The following NLRP14 variants were observed in gnomAD, a reference collection of about 807,000 sequenced individuals.
NLRP14 encodes NACHT, LRR and PYD domains-containing protein 14.
In NLRP14, 105 loss-of-function variants were observed where a neutral mutation model predicts 94.7. That is an observed-to-expected ratio of 1.11 (90% CI 0.95 to 1.30). The LOEUF (loss-of-function observed/expected upper bound fraction) is 1.30, where lower values mean the gene tolerates loss of function less well. NLRP14 is among the 50% of genes most tolerant of loss of function. The pLI is 0.00. For synonymous variants in NLRP14, 508 were observed against 459.9 expected, an observed-to-expected ratio of 1.10 and a Z score of -1.34; for missense variants, 1,362 against 1,254.1, an observed-to-expected ratio of 1.09 and a Z score of -1.30.
chr11:7,023,527 A>ATATTTATG (rs1472268215), intron 1 of NLRP14, among the ~76,000 whole-genome samples: 5 of 146,246 alleles, frequency 3.4e-5, no homozygotes, highest in South Asian at 2.1e-4. Context: ...TATATAAAAT[A>ATATTTATG]TATTTATATT....
intron 1 of NLRP14, among the ~76,000 whole-genome samples, chr11:7,029,390 C>A (rs886770755): frequency 6.6e-6 from 1 of 151,494 alleles, no homozygotes; most frequent in African/African-American, 2.4e-5. Flanking sequence ...CGAGGCATTG[C>A]AATAACTTCA....
chr11:7,087,676 C>A, the NLRP14 span, among the ~76,000 whole-genome samples: 1 of 151,648 alleles, frequency 6.6e-6, no homozygotes, highest in Non-Finnish European at 1.5e-5. Context: ...GGCAGTCATT[C>A]GAAAAAGTAG....
At chr11:7,089,019 C>T in the NLRP14 span, 1 of 1,397,050 alleles carries the variant, frequency 7.2e-7, no homozygotes, top group Non-Finnish European at 9.9e-7. Context: ...CTAGGCGCCG[C>T]CTGACCAGTA....
intron 9 of NLRP14, among the ~76,000 whole-genome samples, chr11:7,062,025 A>G (rs548827745): frequency 2.0e-5 from 3 of 152,006 alleles, no homozygotes; most frequent in African/African-American, 4.8e-5. Flanking sequence ...ACAGAGATCT[A>G]TTAGTTCCTT....
rs1852305258 is a variant in NLRP14, at chr11:7,043,638, G to T, written c.1612G>T (p.Glu538Ter). Residue 538 changes from glutamate (E) to a stop codon, truncating the protein, a stop_gained, in exon 4 of 12, where the codon GAA becomes TAA. Coordinates refer to ENST00000299481, the MANE Select transcript of NLRP14 (RefSeq NM_176822.4). LOFTEE classifies it high-confidence loss of function. ...GTGCTTTTTGTTTGGCCTTTTGAAT[G>T]AAGATCGAGTAAAACAACTGGAGAG... ...MKCFLFGLLNEDRVKQLERTF... is the reference protein window; with the variant it reads ...MKCFLFGLLN 6.2e-7 allele frequency: 1 copy of T among 1,614,128 alleles called. No individual in the cohort carries two copies.
At chr11:7,065,911 A>G (rs1264210098) in intron 10 of NLRP14, among the ~76,000 whole-genome samples, 5 of 151,978 alleles carry the variant, frequency 3.3e-5, no homozygotes, top group Admixed American at 3.3e-4. Flanking sequence ...CTGTGTGTCC[A>G]TGTGTTCTCA....
chr11:7,038,199 A>G (rs923618508), intron 1 of NLRP14, among the ~76,000 whole-genome samples: 2 of 152,148 alleles, frequency 1.3e-5, no homozygotes, highest in Admixed American at 1.3e-4. Context: ...GCCAGGTGAT[A>G]TATGAACCCT....
At chr11:7,059,021 T>A (rs1852568275) in intron 8 of NLRP14, among the ~76,000 whole-genome samples, 1 of 151,946 alleles carries the variant, frequency 6.6e-6, no homozygotes, top group African/African-American at 2.4e-5. Flanking sequence ...TCATTGGACA[T>A]CTACAATCTT....
chr11:7,024,109 T>G (rs550550061), intron 1 of NLRP14, among the ~76,000 whole-genome samples: 21 of 152,244 alleles, frequency 1.4e-4, no homozygotes, highest in African/African-American at 4.1e-4. Context: ...AAGATCAATA[T>G]GTGAAGAAAT....
chr11:7,040,099 A>G (rs1018920172), intron 3 of NLRP14, among the ~76,000 whole-genome samples: 2 of 152,246 alleles, frequency 1.3e-5, no homozygotes, highest in Non-Finnish European at 2.9e-5. Context: ...CTTTCAGTTT[A>G]TCACATCTAC....
At chr11:7,075,280 T>G (rs1552728), downstream of NLRP14, among the ~76,000 whole-genome samples, 5 of 152,028 alleles carry the variant, frequency 3.3e-5, no homozygotes, top group Non-Finnish European at 7.4e-5. Context: ...ATGTCACTTA[T>G]GACTATGCAA....
intron 6 of NLRP14, among the ~76,000 whole-genome samples, chr11:7,053,228 C>T (rs764718277): frequency 9.2e-5 from 14 of 151,854 alleles, no homozygotes; most frequent in Non-Finnish European, 1.9e-4. Flanking sequence ...CTTTAAAATA[C>T]CGTATTACTT....
chr11:7,082,348 A>G, the NLRP14 span, among the ~76,000 whole-genome samples: 5 of 152,228 alleles, frequency 3.3e-5, no homozygotes, highest in African/African-American at 1.2e-4. Context: ...GGTAGATGTA[A>G]CTAAAAAATA....
the NLRP14 span, among the ~76,000 whole-genome samples, chr11:7,078,028 C>G: frequency 6.6e-6 from 1 of 151,964 alleles, no homozygotes; most frequent in East Asian, 1.9e-4. Flanking sequence ...AGTGTTTGCA[C>G]AACAATGTGA....
chr11:7,067,339 GA>G (rs2119711334), intron 10 of NLRP14, among the ~76,000 whole-genome samples: 1 of 152,306 alleles, frequency 6.6e-6, no homozygotes, highest in East Asian at 1.9e-4. Flanking sequence ...CATGAGCATG[GA>G]ATATTTTTCC....
chr11:7,043,123 G>A lies in NLRP14; in HGVS notation c.1097G>A (p.Cys366Tyr). ...LKSNEMLFSMCQVPLVCWAAC... is the reference protein window; with the variant it reads ...LKSNEMLFSMYQVPLVCWAAC... ...AGCAATGAGATGCTGTTTAGCATGT[G>A]CCAAGTCCCCCTAGTGTGCTGGGCC... Residue 366 changes from cysteine (C) to tyrosine (Y), a missense_variant, in exon 4 of 12, where the codon TGC (cysteine) becomes TAC (tyrosine). By Grantham distance (194) the Cys-to-Tyr change is radical. Transcript: ENST00000299481. 1 of 1,614,162 alleles carries A rather than the reference G, an allele frequency of 6.2e-7. No individual in the cohort carries two copies. The highest frequency in any genetic ancestry group is 1.1e-5 in the South Asian group (1 of 91,080).
chr11:7,037,254 T>G (rs1852174269), intron 1 of NLRP14, among the ~76,000 whole-genome samples: 1 of 152,200 alleles, frequency 6.6e-6, no homozygotes, highest in Admixed American at 6.5e-5. Flanking sequence ...ATCTAGAATA[T>G]TTTTACCATG....
At position 7,034,228 on chromosome 11, in the gene NLRP14, G is replaced by A. The variant is rs758791594; in HGVS notation, c.-21-4338G>A. Among the ~76,000 whole-genome samples the A allele has an allele frequency of 6.6e-5, 10 of 152,186 alleles. No individual in the cohort carries two copies. In the East Asian group the frequency reaches 9.6e-4, roughly 15 times the overall value. On this transcript the variant is annotated intron_variant, in intron 1 of 11. Transcript: ENST00000299481. Reference sequence around the variant, plus strand: ...TTCGGACATTTGTCAATATCAGTACGGACTCATGGACATTTGCTTTGTACT... The same window carrying A: ...TTCGGACATTTGTCAATATCAGTACAGACTCATGGACATTTGCTTTGTACT...
chr11:7,090,358 C>T, the NLRP14 span: 5 of 1,521,008 alleles, frequency 3.3e-6, no homozygotes, highest in African/African-American at 2.8e-5. Context: ...AAAGAAGAAC[C>T]TGTTGTATGG....
Sources: allele counts gnomAD v4.1 joint callset (sites outside exome capture counted in the v4.1 genomes callset), GRCh38; gene constraint gnomAD v4.1.1; transcripts MANE v1.5; gene names NCBI Gene and HGNC (gene_info 2026-07-23, HGNC 2026-07-21).